MACROD1: variants seen among roughly 807,000 people sequenced by gnomAD.
MACROD1 encodes the protein ADP-ribose glycohydrolase MACROD1.
In MACROD1, 31 loss-of-function variants were observed where a neutral mutation model predicts 41.4. The observed-to-expected ratio is 0.75, with a 90% CI of 0.56 to 1.01. The LOEUF (loss-of-function observed/expected upper bound fraction) is 1.01. MACROD1 is among the 50% of genes least tolerant of loss of function. The probability of loss-of-function intolerance (pLI) is 0.00; values close to 1 mark genes in which losing one functional copy is unlikely to be tolerated. For missense variants in MACROD1, 473 were observed against 460.0 expected (o/e 1.03, Z -0.26); for synonymous variants, 252 against 203.4 (o/e 1.24, Z -2.03).
intron 3 of MACROD1, among the ~76,000 whole-genome samples, chr11:64,080,962 G>A (rs1944291934): frequency 6.6e-6 from 1 of 152,156 alleles, no homozygotes; most frequent in Non-Finnish European, 1.5e-5. Flanking sequence ...GGAATTATGT[G>A]ACATTGTTGA....
chr11:64,143,743 G>GACACACACACACACAC (rs1355483787), intron 3 of MACROD1, among the ~76,000 whole-genome samples: 6 of 71,482 alleles, frequency 8.4e-5, no homozygotes, highest in African/African-American at 4.5e-4. Flanking sequence ...CCCCAACCCC[G>GACACACACACACACAC]ACACACACAT....
intron 4 of MACROD1, among the ~76,000 whole-genome samples, chr11:64,006,911 C>A (rs1039246507): frequency 6.6e-6 from 1 of 152,132 alleles, no homozygotes; most frequent in African/African-American, 2.4e-5. Context: ...GTGGCCATGT[C>A]GTAAGTACTG....
chr11:64,131,121 G>A (rs1945259231), intron 3 of MACROD1, among the ~76,000 whole-genome samples: 1 of 152,210 alleles, frequency 6.6e-6, no homozygotes. Flanking sequence ...GGAGGTCCCT[G>A]TGCAGGGAGC....
chr11:64,042,282 C>T (rs987160448), intron 3 of MACROD1, among the ~76,000 whole-genome samples: 5 of 152,104 alleles, frequency 3.3e-5, no homozygotes, highest in Admixed American at 6.5e-5. Context: ...CACATCTCAC[C>T]CCCACCTCTG....
chr11:64,159,437 A>T (rs571048230), intron 1 of MACROD1, among the ~76,000 whole-genome samples: 2 of 152,252 alleles, frequency 1.3e-5, no homozygotes, highest in East Asian at 3.9e-4. Context: ...CGGAGGCTGC[A>T]GTGAGCCAAG....
rs747506257 is a variant in MACROD1 at position 63,998,972 on chromosome 11, G to A, written c.956C>T (p.Pro319Leu). ...GCACGTACCCACGGGGAAGTAGTGG[G>A]GGAGCCGGCTCCGGTAGATGTCCTC... Reference protein sequence around the residue: ...KDEDIYRSRLPHYFPVA With the variant: ...KDEDIYRSRLLHYFPVA The change falls in exon 9 of 11, where the codon CCC (proline) becomes CTC (leucine). Residue 319 changes from proline to leucine, a missense_variant. Coordinates refer to ENST00000255681, the MANE Select transcript of MACROD1 (RefSeq NM_014067.4). 8.1e-6 allele frequency: 13 copies of A among 1,606,402 alleles called. No homozygotes were observed. The highest frequency in any genetic ancestry group is 1.0e-5 in the Non-Finnish European group (12 of 1,177,312).
chr11:64,039,833 C>G (rs1222224790), intron 3 of MACROD1, among the ~76,000 whole-genome samples: 6 of 152,184 alleles, frequency 3.9e-5, no homozygotes, highest in Admixed American at 3.3e-4. Flanking sequence ...TCCTGCAGCC[C>G]TGGGTTTTAA....
chr11:64,063,483 T>C (rs563957338), intron 3 of MACROD1, among the ~76,000 whole-genome samples: 1 of 152,184 alleles, frequency 6.6e-6, no homozygotes, highest in Admixed American at 6.5e-5. Context: ...GAACAGTTCA[T>C]CAAGGGGTGG....
chr11:64,116,393 C>T (rs773432614), intron 3 of MACROD1: 6 of 1,613,926 alleles, frequency 3.7e-6, no homozygotes, highest in East Asian at 2.2e-5. Flanking sequence ...ACGGGCTCAT[C>T]GCCTTCCTGA....
chr11:64,119,383 T>A (rs773351458), intron 3 of MACROD1, among the ~76,000 whole-genome samples: 18 of 152,182 alleles, frequency 1.2e-4, no homozygotes, highest in Non-Finnish European at 2.4e-4. Context: ...TCCTTTCTGA[T>A]ACAGATAAAA....
chr11:64,141,061 G>C (rs926352943), intron 3 of MACROD1, among the ~76,000 whole-genome samples: 1 of 152,234 alleles, frequency 6.6e-6, no homozygotes, highest in African/African-American at 2.4e-5. Flanking sequence ...CTTGAGCCCA[G>C]GAGGTCAAGG....
intron 4 of MACROD1, among the ~76,000 whole-genome samples, chr11:64,006,963 A>C (rs1361510986): frequency 6.6e-6 from 1 of 152,210 alleles, no homozygotes; most frequent in East Asian, 1.9e-4. Context: ...AACTGGGGTC[A>C]GGCAGGGGTG....
At chr11:63,999,593 A>G (rs1447826576) in intron 6 of MACROD1, 33 bp from the exon 7 acceptor site, 2 of 1,609,940 alleles carry the variant, frequency 1.2e-6, no homozygotes, top group African/African-American at 2.7e-5. Flanking sequence ...GGGTTGGAAC[A>G]TTGTCACTGC....
At chr11:64,001,964 A>C (rs1236938682) in intron 4 of MACROD1, among the ~76,000 whole-genome samples, 4 of 152,062 alleles carry the variant, frequency 2.6e-5, no homozygotes, top group African/African-American at 4.8e-5. Flanking sequence ...GGATAATAGC[A>C]CCCACCTCAG....
intron 3 of MACROD1, among the ~76,000 whole-genome samples, chr11:64,051,670 A>T (rs1266044977): frequency 6.6e-6 from 1 of 152,152 alleles, no homozygotes; most frequent in African/African-American, 2.4e-5. Flanking sequence ...CTCCGAGCTC[A>T]CGGCCCGGAG....
chr11:64,134,157 C>T (rs1482151800), intron 3 of MACROD1, among the ~76,000 whole-genome samples: 1 of 152,234 alleles, frequency 6.6e-6, no homozygotes, highest in East Asian at 1.9e-4. Context: ...AGGCTGAGGT[C>T]ACCACTAGAG....
intron 3 of MACROD1, among the ~76,000 whole-genome samples, chr11:64,109,353 G>A (rs1228538628): frequency 2.0e-5 from 3 of 152,162 alleles, no homozygotes; most frequent in Admixed American, 6.5e-5. Flanking sequence ...GCAGTTGGGT[G>A]TAGACACCCA....
intron 3 of MACROD1, among the ~76,000 whole-genome samples, chr11:64,089,192 C>T (rs915785744): frequency 6.6e-6 from 1 of 152,164 alleles, no homozygotes; most frequent in African/African-American, 2.4e-5. Context: ...TCTGACGGGA[C>T]AAGTGCTCTG....
At chr11:64,050,474 T>A (rs1161457297) in intron 3 of MACROD1, among the ~76,000 whole-genome samples, 2 of 152,202 alleles carry the variant, frequency 1.3e-5, no homozygotes, top group African/African-American at 4.8e-5. Context: ...CTCTGCCCCT[T>A]CCTGGCTGTG....
Sources: allele counts gnomAD v4.1 joint callset (sites outside exome capture counted in the v4.1 genomes callset), GRCh38; gene constraint gnomAD v4.1.1; transcripts MANE v1.5; gene names NCBI Gene and HGNC (gene_info 2026-07-23, HGNC 2026-07-21).